The following LRBA variants were observed in gnomAD, a reference collection of about 807,000 sequenced individuals.
The protein encoded by LRBA is lipopolysaccharide-responsive and beige-like anchor protein.
A neutral mutation model predicts 330.0 loss-of-function variants in LRBA; 176 were observed. The observed-to-expected ratio is 0.53, with a 90% CI of 0.47 to 0.60. The LOEUF (loss-of-function observed/expected upper bound fraction) is 0.60, where lower values mean the gene tolerates loss of function less well. LRBA is among the 20% of genes least tolerant of loss of function. The pLI, the probability that LRBA is intolerant of heterozygous loss-of-function variation, is 0.00. For missense variants in LRBA, 3,259 were observed against 3,444.8 expected, an observed-to-expected ratio of 0.95 and a Z score of 1.35; for synonymous variants, 1,230 against 1,193.0, an observed-to-expected ratio of 1.03 and a Z score of -0.64.
chr4:150,320,266 G>T (rs903643707), intron 50 of LRBA, among the ~76,000 whole-genome samples: 34 of 152,096 alleles, frequency 2.2e-4, no homozygotes, highest in African/African-American at 8.2e-4. Flanking sequence ...GGCAAAACAT[G>T]GCTGGAGTAG....
intron 44 of LRBA, among the ~76,000 whole-genome samples, chr4:150,458,042 T>C (rs529275731): frequency 1.3e-5 from 2 of 152,010 alleles, no homozygotes; most frequent in South Asian, 4.1e-4. Flanking sequence ...TTGCTTCAGT[T>C]TATCATTTTC....
intron 48 of LRBA, among the ~76,000 whole-genome samples, chr4:150,327,992 T>C (rs1733510186): frequency 6.6e-6 from 1 of 152,088 alleles, no homozygotes; most frequent in South Asian, 2.1e-4. Context: ...GTCCAAAACA[T>C]GAGGAATTAT....
At chr4:150,900,409 C>T (rs180862976) in intron 13 of LRBA, among the ~76,000 whole-genome samples, 192 bp from the exon 14 acceptor site, 14 of 152,252 alleles carry the variant, frequency 9.2e-5, no homozygotes, top group Non-Finnish European at 1.8e-4. Flanking sequence ...CTTATAAAAC[C>T]AAACCAGGTA....
chr4:150,866,318 T>TAATC (rs1312923157), intron 22 of LRBA, among the ~76,000 whole-genome samples: 11 of 152,210 alleles, frequency 7.2e-5, no homozygotes, highest in African/African-American at 2.7e-4. Flanking sequence ...AATAGTTAGA[T>TAATC]AATCCACATA....
intron 51 of LRBA, among the ~76,000 whole-genome samples, chr4:150,313,234 T>A (rs1731288729): frequency 6.6e-6 from 1 of 152,100 alleles, no homozygotes; most frequent in Non-Finnish European, 1.5e-5. Flanking sequence ...TTCCATATGT[T>A]AAGGGGTTTT....
chr4:150,547,971 A>C (rs906145483), intron 40 of LRBA, among the ~76,000 whole-genome samples: 1 of 152,170 alleles, frequency 6.6e-6, no homozygotes, highest in East Asian at 1.9e-4. Context: ...TTACAATGCC[A>C]GGGAACAAAT....
At chr4:150,976,205 G>C (rs1467167705) in intron 2 of LRBA, among the ~76,000 whole-genome samples, 1 of 146,544 alleles carries the variant, frequency 6.8e-6, no homozygotes, top group Non-Finnish European at 1.5e-5. Flanking sequence ...GAACAAAAAG[G>C]AGAGTAGAAA....
Position 150,506,576 on chromosome 4 carries a change from C to G in LRBA, c.6331-15541G>C, listed in dbSNP as rs183365137. 1.6e-3 allele frequency among the ~76,000 whole-genome samples: 238 copies of G among 152,272 alleles called. 4 individuals carry two copies. Among genetic ancestry groups the G allele is most frequent in the African/African-American group, 5.6e-3 (233 of 41,552 alleles). On this transcript the variant is annotated intron_variant, in intron 40 of 56. Transcript: ENST00000651943. ...TAAATTAGGTATTAATGGGACATAT[C>G]TCAAAATAATAAGAGCTATCTATAA...
chr4:150,933,048 A>G (rs1734684174), intron 2 of LRBA, among the ~76,000 whole-genome samples: 2 of 152,244 alleles, frequency 1.3e-5, no homozygotes, highest in South Asian at 2.1e-4. Context: ...TAATGATGTT[A>G]GATACAAGAA....
At chr4:150,659,746 G>A (rs1454677513) in intron 37 of LRBA, among the ~76,000 whole-genome samples, 3 of 12,584 alleles carry the variant, frequency 2.4e-4, no homozygotes, top group African/African-American at 3.3e-4. Context: ...CCCCACGCCC[G>A]GCCAGCCGCC....
intron 37 of LRBA, among the ~76,000 whole-genome samples, chr4:150,641,283 T>C (rs959287831): frequency 5.3e-5 from 8 of 152,188 alleles, no homozygotes; most frequent in Non-Finnish European, 1.0e-4. Flanking sequence ...CCTAACAATT[T>C]TTATCATTGG....
At chr4:150,367,142 A>G (rs1157444032) in intron 47 of LRBA, among the ~76,000 whole-genome samples, 1 of 152,202 alleles carries the variant, frequency 6.6e-6, no homozygotes, top group Admixed American at 6.5e-5. Flanking sequence ...GCTAATTAAA[A>G]TTTTTTAAAT....
chr4:150,370,768 G>C (rs1740160528), intron 47 of LRBA, among the ~76,000 whole-genome samples: 1 of 152,198 alleles, frequency 6.6e-6, no homozygotes, highest in Admixed American at 6.5e-5. Context: ...ATGAGGAATA[G>C]TAAGAGGTAT....
intron 28 of LRBA, among the ~76,000 whole-genome samples, chr4:150,836,802 T>C (rs1365940925): frequency 1.3e-5 from 2 of 152,222 alleles, no homozygotes; most frequent in Admixed American, 6.5e-5. Context: ...CCTTCAGTTC[T>C]ACTCTGATCT....
intron 40 of LRBA, among the ~76,000 whole-genome samples, chr4:150,576,381 G>A (rs1770552742): frequency 1.3e-5 from 2 of 151,922 alleles, no homozygotes; most frequent in African/African-American, 4.8e-5. Context: ...GCCAATATAA[G>A]TGTGAATATA....
chr4:150,389,096 ATTTTGGATCTTTG>A (rs1486348271), intron 47 of LRBA, among the ~76,000 whole-genome samples: 1 of 152,232 alleles, frequency 6.6e-6, no homozygotes, highest in East Asian at 1.9e-4. Flanking sequence ...AGTATCTTCA[ATTTTGGATCTTTG>A]TAAAAGATCC....
At chr4:150,445,672 T>G (rs1649762970) in intron 44 of LRBA, among the ~76,000 whole-genome samples, 1 of 152,026 alleles carries the variant, frequency 6.6e-6, no homozygotes, top group South Asian at 2.1e-4. Context: ...AAAAATGTGT[T>G]TATTTATTTA....
At chr4:150,401,873 G>A (rs2151929111) in intron 47 of LRBA, among the ~76,000 whole-genome samples, 1 of 151,852 alleles carries the variant, frequency 6.6e-6, no homozygotes, top group South Asian at 2.1e-4. Context: ...GGGTGTGTGA[G>A]TATATATACA....
At chr4:150,775,502 C>G (rs963666200) in intron 34 of LRBA, among the ~76,000 whole-genome samples, 1 of 117,414 alleles carries the variant, frequency 8.5e-6, no homozygotes, top group South Asian at 2.7e-4. Flanking sequence ...CACACACACA[C>G]AGTGATTGCA....
Sources: gnomAD v4.1 joint callset for allele counts (sites outside exome capture counted in the v4.1 genomes callset) on GRCh38, gnomAD v4.1.1 for gene constraint, MANE v1.5 for transcripts, NCBI Gene and HGNC (gene_info 2026-07-23, HGNC 2026-07-21) for gene names.